Variants in PPP1R3F observed in about 807,000 individuals in gnomAD.
The protein encoded by PPP1R3F is protein phosphatase 1, regulatory (inhibitor) subunit 3F.
PPP1R3F carries 29 observed loss-of-function variants against 24.2 expected under a neutral mutation model. That is an observed-to-expected ratio of 1.20 (90% CI 0.89 to 1.63). The LOEUF (loss-of-function observed/expected upper bound fraction) is 1.63, where lower values mean the gene tolerates loss of function less well. Ranked by LOEUF, PPP1R3F falls within the 40% of genes most tolerant of loss-of-function variation. The probability of loss-of-function intolerance (pLI) is 0.00; values close to 1 mark genes in which losing one functional copy is unlikely to be tolerated. For missense variants in PPP1R3F, 823 were observed against 729.3 expected, an observed-to-expected ratio of 1.13 and a Z score of -1.48; for synonymous variants, 363 against 340.1, an observed-to-expected ratio of 1.07 and a Z score of -0.74.
At chrX:49,283,951 A>G (rs1209787118) in intron 3 of PPP1R3F, among the ~76,000 whole-genome samples, 3 of 111,658 alleles carry the variant, frequency 2.7e-5, no homozygotes, top group Middle Eastern at 4.2e-3. Flanking sequence ...CACACCAGCT[A>G]TTTGGCTACT....
At chrX:49,281,328 T>G (rs781973160) in intron 1 of PPP1R3F, 78 bp from the exon 2 acceptor site, 108 of 766,339 alleles carry the variant, frequency 1.4e-4, no homozygotes, top group Non-Finnish European at 2.0e-4. Context: ...GCACAGAGGC[T>G]CAGAAGGTGC....
In PPP1R3F at chrX:49,270,659, C is replaced by T. The variant is rs1194927895; in HGVS notation, c.790C>T (p.Arg264Cys). 7.2e-5 allele frequency: 87 copies of T among 1,208,053 alleles called. No homozygotes were observed. The highest frequency in any genetic ancestry group is 9.5e-5 in the Non-Finnish European group (85 of 894,466). The change falls in exon 1 of 4, where the codon CGC becomes TGC. Residue 264 changes from arginine to cysteine, a missense_variant. Coordinates refer to ENST00000055335, the MANE Select transcript of PPP1R3F (RefSeq NM_033215.5). ...GDGARLDFVV[R>C]YETPEGTFWA... ...TGGGGCGCGCCTCGACTTCGTGGTG[C>T]GCTATGAGACCCCTGAGGGCACTTT...
intron 1 of PPP1R3F, among the ~76,000 whole-genome samples, chrX:49,276,142 G>C (rs2066211565): frequency 8.9e-6 from 1 of 112,585 alleles, no homozygotes; most frequent in Non-Finnish European, 1.9e-5. Flanking sequence ...GAGCCTGTGT[G>C]GTCCTGCTCT....
intron 3 of PPP1R3F, among the ~76,000 whole-genome samples, chrX:49,282,874 G>A (rs1332868302): frequency 2.7e-5 from 3 of 109,174 alleles, no homozygotes; most frequent in Non-Finnish European, 5.7e-5. Context: ...GATTTAACAG[G>A]CTCCCTCTGG....
At chrX:49,288,651 G>A (rs781785683), downstream of PPP1R3F, among the ~76,000 whole-genome samples, 2 of 112,377 alleles carry the variant, frequency 1.8e-5, no homozygotes, top group Admixed American at 9.4e-5. Context: ...AGACACACTC[G>A]TGTAGACACA....
intron 1 of PPP1R3F, chrX:49,275,709 T>A (rs2066208258): frequency 8.9e-6 from 1 of 112,562 alleles, no homozygotes; most frequent in Non-Finnish European, 1.9e-5. Flanking sequence ...ACTGTATTCC[T>A]GCAGGCCTGC....
chrX:49,288,738 C>T (rs782738542), downstream of PPP1R3F, among the ~76,000 whole-genome samples: 3 of 111,911 alleles, frequency 2.7e-5, no homozygotes, highest in African/African-American at 9.7e-5. Flanking sequence ...ATTGGTTACC[C>T]GCATTGAAAA....
intron 3 of PPP1R3F, among the ~76,000 whole-genome samples, chrX:49,300,484 T>G (rs1233221332): frequency 3.0e-4 from 9 of 30,145 alleles, no homozygotes; most frequent in African/African-American, 5.8e-4. Context: ...GCTGTTTTTT[T>G]TTTTTTTTTT....
At chrX:49,290,401 C>A (rs945073216), downstream of PPP1R3F, among the ~76,000 whole-genome samples, 5 of 111,078 alleles carry the variant, frequency 4.5e-5, no homozygotes, top group African/African-American at 1.6e-4. Context: ...ATGTTGGGGT[C>A]CATCTCCCCT....
downstream of PPP1R3F, among the ~76,000 whole-genome samples, chrX:49,289,196 C>A (rs2066301871): frequency 8.9e-6 from 1 of 111,906 alleles, no homozygotes; most frequent in Non-Finnish European, 1.9e-5. Context: ...TTTTCTTCAT[C>A]ACGACACAGA....
chrX:49,295,119 C>A (rs1357133280), intron 3 of PPP1R3F, among the ~76,000 whole-genome samples: 1 of 110,313 alleles, frequency 9.1e-6, no homozygotes, highest in Non-Finnish European at 1.9e-5. Context: ...TGGTAGATTG[C>A]ATTTATTGAT....
At chrX:49,271,393 T>A (rs1431725598) in intron 1 of PPP1R3F, among the ~76,000 whole-genome samples, 1 of 111,900 alleles carries the variant, frequency 8.9e-6, no homozygotes, top group Non-Finnish European at 1.9e-5. Context: ...TTAAACTAAG[T>A]CCTGGATGAT....
intron 3 of PPP1R3F, among the ~76,000 whole-genome samples, chrX:49,297,450 G>A (rs782707646): frequency 2.4e-4 from 27 of 110,371 alleles, no homozygotes; most frequent in Admixed American, 1.9e-3. Context: ...TCCAGACCTC[G>A]TGATCCGCCC....
chrX:49,297,124 C>G (rs951952755), intron 3 of PPP1R3F, among the ~76,000 whole-genome samples: 3 of 110,636 alleles, frequency 2.7e-5, no homozygotes, highest in Admixed American at 9.7e-5. Context: ...GTGTTAAAGT[C>G]TCCCACTATT....
At chrX:49,292,015 C>CAGG (rs67389719), downstream of PPP1R3F, among the ~76,000 whole-genome samples, 48,531 of 110,578 alleles carry the variant, frequency 0.44, 9,027 homozygotes, top group Non-Finnish European at 0.59. Context: ...TTGGTGTCTC[C>CAGG]AACAGCGCAG....
chrX:49,271,642 A>G (rs1266771218), intron 1 of PPP1R3F, among the ~76,000 whole-genome samples: 1 of 112,706 alleles, frequency 8.9e-6, no homozygotes, highest in Admixed American at 9.3e-5. Context: ...TGAGGCAGTG[A>G]TGGCACCTGG....
chrX:49,273,402 C>G (rs1325610039), intron 1 of PPP1R3F: 1 of 112,191 alleles, frequency 8.9e-6, no homozygotes, highest in African/African-American at 3.3e-5. Flanking sequence ...GCAGCCTGTT[C>G]AGACAATTGT....
chrX:49,270,452 C>T lies in PPP1R3F; in HGVS notation c.583C>T (p.Pro195Ser), dbSNP rs1557118850. 3.3e-6 allele frequency: 4 copies of T among 1,198,584 alleles called. No homozygotes were observed. The highest frequency in any genetic ancestry group is 3.5e-5 in the African/African-American group (2 of 57,436). Residue 195 changes from proline to serine, a missense_variant, in exon 1 of 4, where the codon CCA (proline) becomes TCA (serine). By Grantham distance (74) the Pro-to-Ser change is moderately conservative. Coordinates refer to ENST00000055335, the MANE Select transcript of PPP1R3F (RefSeq NM_033215.5). ...HDGWASFCDH[P>S]ARYVPRSPPW... ...CGGCTGGGCTTCCTTTTGCGACCAC[C>T]CAGCGCGCTACGTCCCGCGCAGCCC... is the stretch of plus-strand genomic sequence containing the variant.
intron 1 of PPP1R3F, among the ~76,000 whole-genome samples, chrX:49,271,078 C>T (rs781981593): frequency 3.7e-4 from 41 of 112,165 alleles, no homozygotes; most frequent in Non-Finnish European, 6.8e-4. Context: ...TTGAGTTCCA[C>T]TGTAAAGCCC....
Sources: gnomAD v4.1 joint callset for allele counts (sites outside exome capture counted in the v4.1 genomes callset) on GRCh38, gnomAD v4.1.1 for gene constraint, MANE v1.5 for transcripts, NCBI Gene and HGNC (gene_info 2026-07-23, HGNC 2026-07-21) for gene names.